The following PDE8A variants were observed in gnomAD, a reference collection of about 807,000 sequenced individuals.
PDE8A encodes phosphodiesterase 8A.
In PDE8A, 59 loss-of-function variants were observed where a neutral mutation model predicts 105.0. The observed-to-expected ratio is 0.56, with a 90% CI of 0.46 to 0.70. The LOEUF is 0.70. Ranked by LOEUF, PDE8A falls within the 30% of genes least tolerant of loss-of-function variation. The pLI is 0.00. For synonymous variants in PDE8A, 355 were observed against 371.9 expected, an observed-to-expected ratio of 0.95 and a Z score of 0.52; for missense variants, 1,014 against 1,045.9, an observed-to-expected ratio of 0.97 and a Z score of 0.42.
rs1176884232 is a variant in PDE8A, at chr15:85,100,193, A to G, written c.1031A>G (p.His344Arg). 3 of 1,612,878 alleles carry G rather than the reference A, an allele frequency of 1.9e-6. No homozygotes were observed. Among genetic ancestry groups the G allele is most frequent in the Admixed American group, 3.3e-5 (2 of 59,960 alleles). ...TCCGAATGTGTTCAGTCTGACACTCATACAGGTACGGTGCCCCGTATTTAT... is the reference window on the plus strand; with the variant it reads ...TCCGAATGTGTTCAGTCTGACACTCGTACAGGTACGGTGCCCCGTATTTAT... ...KISECVQSDT[H>R]TDNQTGKHKD... Residue 344 changes from histidine to arginine, a missense_variant, in exon 11 of 22, where the codon CAT becomes CGT. By Grantham distance (29) the His-to-Arg change is conservative. Transcript: ENST00000394553.
At chr15:85,087,920 C>T (rs991589552) in intron 6 of PDE8A, among the ~76,000 whole-genome samples, 10 of 152,046 alleles carry the variant, frequency 6.6e-5, no homozygotes, top group Non-Finnish European at 1.0e-4. Context: ...AATGTTGAGA[C>T]GTCTGGGTAT....
chr15:85,036,278 A>C (rs1401051712), intron 1 of PDE8A, among the ~76,000 whole-genome samples: 2 of 152,064 alleles, frequency 1.3e-5, no homozygotes, highest in Non-Finnish European at 2.9e-5. Flanking sequence ...TTCTACATCA[A>C]TTCAAAGACC....
At chr15:84,981,282 G>A (rs1232141747), upstream of PDE8A, among the ~76,000 whole-genome samples, 6 of 152,196 alleles carry the variant, frequency 3.9e-5, no homozygotes, top group Admixed American at 3.9e-4. Context: ...TCCGGAGGAG[G>A]TGGCGGGCGC....
At chr15:85,026,195 G>A (rs989907806) in intron 1 of PDE8A, among the ~76,000 whole-genome samples, 1 of 152,146 alleles carries the variant, frequency 6.6e-6, no homozygotes, top group South Asian at 2.1e-4. Flanking sequence ...AACAGTAACC[G>A]TTTATTATGC....
chr15:84,986,609 T>A (rs2079805721), intron 1 of PDE8A, among the ~76,000 whole-genome samples: 1 of 122,692 alleles, frequency 8.2e-6, no homozygotes, highest in East Asian at 2.4e-4. Flanking sequence ...AGTGGATTAG[T>A]CAAAACTTTT....
At chr15:85,106,674 C>T (rs746085801) in intron 11 of PDE8A, among the ~76,000 whole-genome samples, 26 of 152,110 alleles carry the variant, frequency 1.7e-4, no homozygotes, top group Admixed American at 4.6e-4. Context: ...CAGAAGGAGC[C>T]GGTGTCAAGG....
intron 8 of PDE8A, among the ~76,000 whole-genome samples, chr15:85,096,852 A>G (rs751637558): frequency 6.6e-6 from 1 of 152,208 alleles, no homozygotes; most frequent in Non-Finnish European, 1.5e-5. Context: ...AGCATCAGTA[A>G]TCATCCTTTG....
chr15:85,048,829 G>A (rs1373536762), intron 1 of PDE8A, among the ~76,000 whole-genome samples: 2 of 152,184 alleles, frequency 1.3e-5, no homozygotes, highest in Non-Finnish European at 2.9e-5. Context: ...AGCCGGGCGC[G>A]GTGGCTCACG....
chr15:84,999,272 C>T (rs2080028044), intron 1 of PDE8A, among the ~76,000 whole-genome samples: 2 of 151,878 alleles, frequency 1.3e-5, no homozygotes, highest in African/African-American at 4.8e-5. Flanking sequence ...AGGCACCTGC[C>T]ACCATGCCTA....
chr15:85,116,274 C>T, intron 16 of PDE8A, 155 bp downstream of exon 16: 2 of 647,322 alleles, frequency 3.1e-6, no homozygotes, highest in East Asian at 2.8e-5. Flanking sequence ...CTCTGAGTCA[C>T]CAGGGCCTGG....
At chr15:85,031,753 A>G (rs2080618677) in intron 1 of PDE8A, among the ~76,000 whole-genome samples, 1 of 152,172 alleles carries the variant, frequency 6.6e-6, no homozygotes. Flanking sequence ...AAACATCCAA[A>G]TGTTACATGC....
chr15:85,113,297 C>T lies in PDE8A; in HGVS notation c.1115-80C>T, dbSNP rs540344282. 47 of 1,142,430 alleles carry T rather than the reference C, an allele frequency of 4.1e-5. No individual in the cohort carries two copies. In the East Asian group the frequency reaches 6.3e-4, roughly 15 times the overall value. The allele number at this position is 1,142,430 out of a possible 1,614,324, so 70.8% of individuals were successfully genotyped here. ...CTATCCTGCCCCTTCATCATGCAGC[C>T]GAGCACACTGAGCCCTCTGCTGTCA... is the stretch of plus-strand genomic sequence containing the variant. On this transcript the variant is annotated intron_variant, in intron 12 of 21. Transcript: ENST00000394553.
chr15:85,116,103 G>T lies in PDE8A; in HGVS notation c.1519G>T (p.Ala507Ser). Residue 507 changes from alanine (A) to serine (S), a missense_variant, in exon 16 of 22, where the codon GCT becomes TCT. By Grantham distance (99) the Ala-to-Ser change is moderately conservative (BLOSUM62 1). Coordinates refer to ENST00000394553, the MANE Select transcript of PDE8A (RefSeq NM_002605.3). ...YWDFDIFELEAATHNRPLIYL... is the reference protein window; with the variant it reads ...YWDFDIFELESATHNRPLIYL... ...GGACTTTGATATTTTTGAACTGGAGGCTGCCACCCACAATAGGTGAGTTCA... is the reference window on the plus strand; with the variant it reads ...GGACTTTGATATTTTTGAACTGGAGTCTGCCACCCACAATAGGTGAGTTCA... 6.2e-7 allele frequency: 1 copy of T among 1,614,094 alleles called. No homozygotes were observed. The highest frequency in any genetic ancestry group is 8.5e-7 in the Non-Finnish European group (1 of 1,179,966).
At chr15:85,038,536 C>T (rs1409285809) in intron 1 of PDE8A, among the ~76,000 whole-genome samples, 2 of 152,064 alleles carry the variant, frequency 1.3e-5, no homozygotes, top group African/African-American at 4.8e-5. Flanking sequence ...GCAAAGGAAA[C>T]AATTAGCAGC....
At chr15:85,082,416 A>G (rs2081481884) in intron 5 of PDE8A, among the ~76,000 whole-genome samples, 1 of 151,966 alleles carries the variant, frequency 6.6e-6, no homozygotes, top group Non-Finnish European at 1.5e-5. Context: ...TTCATTGGGT[A>G]GGAACAGTAT....
chr15:84,989,699 G>A (rs947914071), intron 1 of PDE8A, among the ~76,000 whole-genome samples: 1 of 152,214 alleles, frequency 6.6e-6, no homozygotes, highest in Non-Finnish European at 1.5e-5. Context: ...CTGTGTGAAA[G>A]TGTTTTGTAA....
chr15:84,997,218 G>A (rs560322534), intron 1 of PDE8A, among the ~76,000 whole-genome samples: 1 of 150,972 alleles, frequency 6.6e-6, no homozygotes, highest in Non-Finnish European at 1.5e-5. Flanking sequence ...TTTTGAGACA[G>A]GGTCTCACTC....
At chr15:85,093,471 G>GACCA (rs1254502026) in intron 8 of PDE8A, among the ~76,000 whole-genome samples, 1 of 152,238 alleles carries the variant, frequency 6.6e-6, no homozygotes, top group Non-Finnish European at 1.5e-5. Context: ...ATCTGCTGGA[G>GACCA]ACCAGCATTG....
chr15:84,993,945 A>G (rs888400261), intron 1 of PDE8A, among the ~76,000 whole-genome samples: 1 of 152,184 alleles, frequency 6.6e-6, no homozygotes, highest in Admixed American at 6.5e-5. Flanking sequence ...GTTCTAGGAA[A>G]CATTTAACTA....
Sources: allele counts gnomAD v4.1 joint callset (sites outside exome capture counted in the v4.1 genomes callset), GRCh38; gene constraint gnomAD v4.1.1; transcripts MANE v1.5; gene names NCBI Gene and HGNC (gene_info 2026-07-23, HGNC 2026-07-21).